The following PDCL3 variants were observed in gnomAD, a reference collection of about 807,000 sequenced individuals.
PDCL3 encodes phosducin-like protein 3.
Under a neutral mutation model 26.5 loss-of-function variants are expected in PDCL3, and 22 were observed. That is an observed-to-expected ratio of 0.83 (90% CI 0.59 to 1.19). The LOEUF (loss-of-function observed/expected upper bound fraction) is 1.19, where lower values mean the gene tolerates loss of function less well. Among genes scored for constraint, PDCL3 ranks in the 50% most tolerant of loss-of-function variants. The pLI, the probability that PDCL3 is intolerant of heterozygous loss-of-function variation, is 0.00. For synonymous variants in PDCL3, 81 were observed against 104.9 expected (o/e 0.77, Z 1.39); for missense variants, 246 against 294.1 (o/e 0.84, Z 1.20).
chr2:100,564,310 T>A (rs1675016782), intron 1 of PDCL3, among the ~76,000 whole-genome samples: 1 of 151,674 alleles, frequency 6.6e-6, no homozygotes, highest in South Asian at 2.1e-4. Context: ...TGTTTGTTTC[T>A]TTTTGAGACA....
At chr2:100,574,829 C>T (rs945796083) in intron 5 of PDCL3, among the ~76,000 whole-genome samples, 3 of 152,184 alleles carry the variant, frequency 2.0e-5, no homozygotes, top group Admixed American at 6.5e-5. Flanking sequence ...CAACTGAGCA[C>T]GTTGGCTGAA....
intron 4 of PDCL3, 50 bp from the exon 5 acceptor site, chr2:100,571,540 G>C (rs772388865): frequency 1.9e-5 from 30 of 1,551,376 alleles, no homozygotes; most frequent in Non-Finnish European, 2.3e-5. Context: ...GCTTTGTTCT[G>C]TATAAATGTA....
chr2:100,563,228 G>A (rs1332517427), intron 1 of PDCL3, 155 bp downstream of exon 1: 4 of 931,528 alleles, frequency 4.3e-6, no homozygotes, highest in African/African-American at 3.5e-5. Context: ...GCGCAGTGCG[G>A]GAGGCGGGCG....
chr2:100,568,884 G>A lies in PDCL3; in HGVS notation c.134-47G>A, dbSNP rs201281539. ...GGGGAAAAAAGAAAAATACATGTTC[G>A]TTCATCTTTTTAAATTTTTGCTTTT... On this transcript the variant is annotated intron_variant, in intron 2 of 5. Coordinates refer to ENST00000264254, the MANE Select transcript of PDCL3 (RefSeq NM_024065.5). 6 of 1,454,284 alleles carry A rather than the reference G, an allele frequency of 4.1e-6. No individual in the cohort carries two copies. In the African/African-American group the frequency reaches 4.2e-5, roughly 10 times the overall value. 90.1% of individuals were successfully genotyped at this position (1,454,284 alleles called of 1,614,324 possible).
chr2:100,571,547 T>G, intron 4 of PDCL3, 43 bp from the exon 5 acceptor site: 1 of 1,571,592 alleles, frequency 6.4e-7, no homozygotes, highest in Admixed American at 1.7e-5. Flanking sequence ...TCTGTATAAA[T>G]GTAGGATCAT....
intron 5 of PDCL3, among the ~76,000 whole-genome samples, 173 bp from the exon 6 acceptor site, chr2:100,576,181 A>G (rs1440595580): frequency 6.6e-6 from 1 of 152,120 alleles, no homozygotes; most frequent in Admixed American, 6.6e-5. Context: ...GGCTCAGGTG[A>G]TCCTCCTGCC....
intron 5 of PDCL3, among the ~76,000 whole-genome samples, chr2:100,575,281 A>G (rs573791432): frequency 4.3e-4 from 66 of 152,180 alleles, no homozygotes; most frequent in Middle Eastern, 6.8e-3. Flanking sequence ...GACTACAGGC[A>G]CCTGCCACCA....
chr2:100,569,833 G>A (rs192403618), intron 4 of PDCL3, 112 bp downstream of exon 4: 10 of 1,232,648 alleles, frequency 8.1e-6, no homozygotes, highest in Middle Eastern at 2.0e-4. Context: ...TGGGCCAGGC[G>A]CAGTAGCTCA....
At chr2:100,572,087 T>C (rs1366576095) in intron 5 of PDCL3, 3 of 369,442 alleles carry the variant, frequency 8.1e-6, no homozygotes, top group Non-Finnish European at 1.5e-5. Flanking sequence ...TTTTTGTAGC[T>C]TGAAATCACA....
At chr2:100,563,255 C>T in intron 1 of PDCL3, 182 bp downstream of exon 1, 1 of 640,764 alleles carries the variant, frequency 1.6e-6, no homozygotes, top group Non-Finnish European at 2.5e-6. Flanking sequence ...CACCAGGACC[C>T]ACGGCCTGGG....
chr2:100,569,746 A>T, intron 4 of PDCL3, 25 bp downstream of exon 4: 10 of 1,593,878 alleles, frequency 6.3e-6, no homozygotes, highest in Non-Finnish European at 8.5e-6. Context: ...CACTCCATCT[A>T]TCAAATGTTA....
intron 4 of PDCL3, among the ~76,000 whole-genome samples, chr2:100,570,242 A>G: frequency 6.6e-6 from 1 of 152,222 alleles, no homozygotes; most frequent in Non-Finnish European, 1.5e-5. Flanking sequence ...TTGTTAAAGT[A>G]TAGCAATGAA....
chr2:100,567,650 C>T (rs949632202), intron 2 of PDCL3, among the ~76,000 whole-genome samples: 3 of 151,960 alleles, frequency 2.0e-5, no homozygotes, highest in Non-Finnish European at 4.4e-5. Context: ...GTGACGTGAG[C>T]GAGTGAAATA....
intron 4 of PDCL3, among the ~76,000 whole-genome samples, chr2:100,570,138 TTG>T (rs1675138959): frequency 6.6e-6 from 1 of 152,092 alleles, no homozygotes; most frequent in African/African-American, 2.4e-5. Flanking sequence ...ACTGAGTTTT[TTG>T]TGTTTTTTTT....
chr2:100,574,919 T>C lies in PDCL3; in HGVS notation c.578-1435T>C, dbSNP rs559833628. 3.5e-3 allele frequency among the ~76,000 whole-genome samples: 531 copies of C among 152,200 alleles called. 4 individuals carry two copies. Among genetic ancestry groups the C allele is most frequent in the Admixed American group, 5.1e-3 (78 of 15,278 alleles). On this transcript the variant is annotated intron_variant, in intron 5 of 5. Transcript: ENST00000264254. ...GAGTTTGAGACCAGCCTGGGCAACATAGCGAGATCCCATGTCTACAAAAAA... is the reference window on the plus strand; with the variant it reads ...GAGTTTGAGACCAGCCTGGGCAACACAGCGAGATCCCATGTCTACAAAAAA...
chr2:100,571,637 G>A lies in PDCL3; in HGVS notation c.416G>A (p.Arg139Lys), dbSNP rs1001697121. 119 of 1,613,112 alleles carry A rather than the reference G, an allele frequency of 7.4e-5. 1 individual carries two copies. Among genetic ancestry groups the A allele is most frequent in the Non-Finnish European group, 9.5e-5 (112 of 1,179,846 alleles). Residue 139 changes from arginine (R) to lysine (K), a missense_variant, in exon 5 of 6, where the codon AGG becomes AAG. Coordinates refer to ENST00000264254, the MANE Select transcript of PDCL3 (RefSeq NM_024065.5). ...AATCAGCACCTCAGTGGACTTGCCA[G>A]GAAGTTTCCTGATGTCAAATTTATC... is the stretch of plus-strand genomic sequence containing the variant. ...LINQHLSGLA[R>K]KFPDVKFIKA... is the part of the protein sequence containing the mutation.
Position 100,576,350 on chromosome 2 carries a change from A to G in PDCL3, c.578-4A>G, listed in dbSNP as rs780593770. ...AGGCAATTTGCTTTTTCTTTACCAT[A>G]TAGAGTTGGAATGGAAACTGTCTGA... On this transcript the variant is annotated splice_region_variant and splice_polypyrimidine_tract_variant and intron_variant, in intron 5 of 5. Coordinates refer to ENST00000264254, the MANE Select transcript of PDCL3 (RefSeq NM_024065.5). The G allele has an allele frequency of 1.2e-5, 19 of 1,603,724 alleles. No individual in the cohort carries two copies. The highest frequency in any genetic ancestry group is 1.5e-5 in the Non-Finnish European group (18 of 1,176,140).
chr2:100,569,624 T>C lies in PDCL3; in HGVS notation c.271T>C (p.Phe91Leu), dbSNP rs780151002. 6.2e-7 allele frequency: 1 copy of C among 1,613,940 alleles called. No individual in the cohort carries two copies. The highest frequency in any genetic ancestry group is 1.1e-5 in the South Asian group (1 of 91,062). ...EWKATKLKNK[F>L]GEVLEISGKD... ...GAAAGCAACTAAACTGAAGAATAAA[T>C]TCGGAGAAGTTTTGGAGATCTCAGG... Residue 91 changes from phenylalanine (F) to leucine (L), a missense_variant, in exon 4 of 6, where the codon TTC becomes CTC. Transcript: ENST00000264254.
chr2:100,576,527 C>T lies in PDCL3; in HGVS notation c.*31C>T. ...CAGCTTCTATCACATGCCGAACTTT[C>T]TTGTGACAAATTGTCTGGATTTTTT... On this transcript the variant is annotated 3_prime_UTR_variant, in exon 6 of 6. Transcript: ENST00000264254. 1 of 1,511,314 alleles carries T rather than the reference C, an allele frequency of 6.6e-7. No homozygotes were observed. The highest frequency in any genetic ancestry group is 8.9e-7 in the Non-Finnish European group (1 of 1,124,794). The allele number at this position is 1,511,314 out of a possible 1,614,324, so 93.6% of individuals were successfully genotyped here.
Sources: gnomAD v4.1 joint callset for allele counts (sites outside exome capture counted in the v4.1 genomes callset) on GRCh38, gnomAD v4.1.1 for gene constraint, MANE v1.5 for transcripts, NCBI Gene and HGNC (gene_info 2026-07-23, HGNC 2026-07-21) for gene names.